Variants in PARD3B observed in about 807,000 individuals in gnomAD.
PARD3B encodes the protein par-3 family cell polarity regulator beta.
In PARD3B, 103 loss-of-function variants were observed where a neutral mutation model predicts 130.2. The observed-to-expected ratio is 0.79, with a 90% CI of 0.67 to 0.93. The LOEUF is 0.93. PARD3B is among the 40% of genes least tolerant of loss of function. PARD3B has a pLI of 0.00. For synonymous variants in PARD3B, 583 were observed against 553.2 expected, an observed-to-expected ratio of 1.05 and a Z score of -0.76; for missense variants, 1,609 against 1,499.2, an observed-to-expected ratio of 1.07 and a Z score of -1.21.
chr2:204,698,703 C>A (rs1266700778), intron 2 of PARD3B, among the ~76,000 whole-genome samples: 1 of 151,966 alleles, frequency 6.6e-6, no homozygotes, highest in African/African-American at 2.4e-5. Flanking sequence ...GGAGTTCTGT[C>A]TTTAGCCTTT....
At chr2:205,485,289 G>A (rs1172002005) in intron 20 of PARD3B, among the ~76,000 whole-genome samples, 2 of 152,122 alleles carry the variant, frequency 1.3e-5, no homozygotes, top group African/African-American at 4.8e-5. Context: ...ATCACCAGAT[G>A]ATGTTACTAG....
intron 1 of PARD3B, among the ~76,000 whole-genome samples, chr2:204,587,677 CTG>C (rs2032887846): frequency 6.6e-6 from 1 of 152,162 alleles, no homozygotes; most frequent in Admixed American, 6.5e-5. Context: ...AGAGCAGGCT[CTG>C]TACCATCTTG....
chr2:205,163,856 C>A (rs139243848), intron 11 of PARD3B, among the ~76,000 whole-genome samples: 1 of 152,258 alleles, frequency 6.6e-6, no homozygotes, highest in African/African-American at 2.4e-5. Context: ...TAAATGATTT[C>A]TTCAACTGGC....
intron 2 of PARD3B, among the ~76,000 whole-genome samples, chr2:204,736,267 T>A (rs2039745491): frequency 6.6e-6 from 1 of 152,170 alleles, no homozygotes; most frequent in Admixed American, 6.5e-5. Flanking sequence ...AACGTTTTTA[T>A]TTTTTAAATT....
intron 1 of PARD3B, among the ~76,000 whole-genome samples, chr2:204,569,558 G>A (rs2125066475): frequency 6.6e-6 from 1 of 152,344 alleles, no homozygotes; most frequent in Admixed American, 6.5e-5. Context: ...GCTAGGCGGT[G>A]TCCATTGGTG....
rs1019629952 is a variant in PARD3B, at chr2:205,572,440, A to G, written c.3260+19037A>G. Among the ~76,000 whole-genome samples the G allele has an allele frequency of 6.6e-6, 1 of 152,172 alleles. No homozygotes were observed. The highest frequency in any genetic ancestry group is 1.5e-5 in the Non-Finnish European group (1 of 68,030). On this transcript the variant is annotated intron_variant, in intron 22 of 22. Coordinates refer to ENST00000406610, the MANE Select transcript of PARD3B (RefSeq NM_001302769.2). The surrounding 1 kb of genome is among the most constrained non-coding windows in gnomAD (Gnocchi z 4.2). ...GTAGAGAAAGCCCCTTGATAATTTCATGGAAAATAAATTGGAGAGACAGGC... is the reference window on the plus strand; with the variant it reads ...GTAGAGAAAGCCCCTTGATAATTTCGTGGAAAATAAATTGGAGAGACAGGC...
chr2:205,578,874 A>G (rs1330278862), intron 22 of PARD3B, among the ~76,000 whole-genome samples: 15 of 152,226 alleles, frequency 9.9e-5, no homozygotes, highest in Admixed American at 9.2e-4. Flanking sequence ...TCCCAACCAG[A>G]AAGAATAAGG....
At chr2:204,549,600 G>T (rs1398059179) in intron 1 of PARD3B, among the ~76,000 whole-genome samples, 1 of 152,082 alleles carries the variant, frequency 6.6e-6, no homozygotes, top group Non-Finnish European at 1.5e-5. Context: ...ATTTTAAAAA[G>T]CACTCCAGGT....
chr2:204,563,112 G>A (rs2031423973), intron 1 of PARD3B, among the ~76,000 whole-genome samples: 1 of 152,072 alleles, frequency 6.6e-6, no homozygotes, highest in Non-Finnish European at 1.5e-5. Flanking sequence ...CTCTAGAGAA[G>A]GATTCTTTCT....
At chr2:205,328,745 T>C (rs2043016474) in intron 18 of PARD3B, among the ~76,000 whole-genome samples, 1 of 152,200 alleles carries the variant, frequency 6.6e-6, no homozygotes, top group Non-Finnish European at 1.5e-5. Flanking sequence ...AATGTTTTCC[T>C]GTATTTCACA....
intron 18 of PARD3B, among the ~76,000 whole-genome samples, chr2:205,393,284 G>A (rs987225191): frequency 6.6e-6 from 1 of 152,154 alleles, no homozygotes; most frequent in Non-Finnish European, 1.5e-5. Context: ...TATTTTGCTT[G>A]AACTATTTCA....
chr2:205,217,574 A>C (rs773263965), intron 15 of PARD3B, among the ~76,000 whole-genome samples: 2 of 151,846 alleles, frequency 1.3e-5, no homozygotes, highest in Non-Finnish European at 2.9e-5. Flanking sequence ...AGAGAGAAGA[A>C]TAACCAGAGA....
At chr2:205,556,931 C>T (rs1049619191) in intron 22 of PARD3B, among the ~76,000 whole-genome samples, 12 of 152,300 alleles carry the variant, frequency 7.9e-5, no homozygotes, top group African/African-American at 2.9e-4. Context: ...AGGTCCCATT[C>T]TGATTTCGCA....
chr2:205,204,092 C>T (rs2037146287), intron 15 of PARD3B, among the ~76,000 whole-genome samples: 1 of 152,196 alleles, frequency 6.6e-6, no homozygotes, highest in African/African-American at 2.4e-5. Context: ...ATTCCTATTT[C>T]TCCACATCTT....
Position 205,125,856 on chromosome 2 carries a change from A to G in PARD3B, c.1434+119A>G, listed in dbSNP as rs1049208227. On this transcript the variant is annotated intron_variant, in intron 10 of 22. Transcript: ENST00000406610. This position sits in a 1 kb window ranked among gnomAD's most constrained non-coding sequence, Gnocchi z 4.0. Reference sequence around the variant, plus strand: ...AGGCTTCATTCATAACCAAAATTGAATCACACTCAGGGTATTTTACCCCAT... The same window carrying G: ...AGGCTTCATTCATAACCAAAATTGAGTCACACTCAGGGTATTTTACCCCAT... The G allele has an allele frequency of 7.3e-6, 10 of 1,363,682 alleles. No homozygotes were observed. The highest frequency in any genetic ancestry group is 1.4e-5 in the South Asian group (1 of 72,268). 84.5% of individuals were successfully genotyped at this position (1,363,682 alleles called of 1,614,324 possible). A position where few individuals can be genotyped will look rare whatever the true frequency, so the allele number is the denominator to read the frequency against.
chr2:204,829,990 C>A (rs2125564089), intron 2 of PARD3B, among the ~76,000 whole-genome samples: 1 of 123,798 alleles, frequency 8.1e-6, no homozygotes, highest in South Asian at 2.7e-4. Flanking sequence ...CAGAGCGAGA[C>A]TCCGTCTCAA....
Position 205,230,576 on chromosome 2 carries a change from G to A in PARD3B, c.2141-15202G>A, listed in dbSNP as rs114774469. Among the ~76,000 whole-genome samples, 989 of 152,234 alleles carry A rather than the reference G, an allele frequency of 6.5e-3. 12 individuals carry two copies. The highest frequency in any genetic ancestry group is 0.022 in the African/African-American group (918 of 41,540). Reference sequence around the variant, plus strand: ...GAAGGCAGGAGTCTCTCCTGGAGCCGTGAGCTGCACTGCCTGGGGTTGGGG... The same window carrying A: ...GAAGGCAGGAGTCTCTCCTGGAGCCATGAGCTGCACTGCCTGGGGTTGGGG... On this transcript the variant is annotated intron_variant, in intron 15 of 22. Transcript: ENST00000406610. This position sits in a 1 kb window ranked among gnomAD's most constrained non-coding sequence, Gnocchi z 4.1.
intron 3 of PARD3B, among the ~76,000 whole-genome samples, chr2:205,034,388 GTATT>G (rs1179899956): frequency 6.6e-6 from 1 of 152,084 alleles, no homozygotes; most frequent in Non-Finnish European, 1.5e-5. Flanking sequence ...TTAAATGTCC[GTATT>G]TATTTATTTA....
chr2:204,873,967 AC>A (rs1261344693), intron 2 of PARD3B, among the ~76,000 whole-genome samples: 1 of 151,996 alleles, frequency 6.6e-6, no homozygotes, highest in Non-Finnish European at 1.5e-5. Flanking sequence ...ATATGGTGAA[AC>A]CCCATCTCTA....
Sources: gnomAD v4.1 joint callset for allele counts (sites outside exome capture counted in the v4.1 genomes callset) on GRCh38, gnomAD v4.1.1 for gene constraint, Gnocchi (gnomAD v3.1) non-coding constraint, MANE v1.5 for transcripts, NCBI Gene and HGNC (gene_info 2026-07-23, HGNC 2026-07-21) for gene names.